The following TSC22D1 variants were observed in gnomAD, a reference collection of about 807,000 sequenced individuals.
The protein encoded by TSC22D1 is TSC22 domain family member 1, also known as TSC22 domain family protein 1.
TSC22D1 carries 9 observed loss-of-function variants against 74.2 expected under a neutral mutation model. The ratio of observed to expected loss-of-function variants is 0.12; its 90% CI spans 0.07 to 0.21. The LOEUF is 0.21. Among genes scored for constraint, TSC22D1 ranks in the 10% least tolerant of loss-of-function variants. The pLI is 1.00. For synonymous variants in TSC22D1, 586 were observed against 492.5 expected (o/e 1.19, Z -2.51); for missense variants, 1,427 against 1,304.7 (o/e 1.09, Z -1.44).
intron 1 of TSC22D1, among the ~76,000 whole-genome samples, chr13:44,523,036 A>G (rs561190771): frequency 9.5e-5 from 13 of 136,730 alleles, no homozygotes; most frequent in Middle Eastern, 3.8e-3. Context: ...GATAATAGAG[A>G]AAAAAAAAAA....
At chr13:44,537,768 T>C in intron 1 of TSC22D1, 2 of 979,482 alleles carry the variant, frequency 2.0e-6, no homozygotes, top group Non-Finnish European at 1.2e-6. Flanking sequence ...TAACAAAAAT[T>C]TATTTATAAT....
In TSC22D1 at chr13:44,432,897, C is replaced by T. The variant is rs1874167952; in HGVS notation, c.*1729G>A. ...TCCTCAGGTGCCAGGGGCCAATCTGCCTCAGGATTCCTTCGTGGTTTTAAT... is the reference window on the plus strand; with the variant it reads ...TCCTCAGGTGCCAGGGGCCAATCTGTCTCAGGATTCCTTCGTGGTTTTAAT... On this transcript the variant is annotated 3_prime_UTR_variant, in exon 3 of 3. Coordinates refer to ENST00000458659, the MANE Select transcript of TSC22D1 (RefSeq NM_183422.4). 6.6e-6 allele frequency: 1 copy of T among 152,128 alleles called. No homozygotes were observed. 9.4% of individuals were successfully genotyped at this position (152,128 alleles called of 1,614,324 possible).
At chr13:44,436,512 A>G (rs1478551256) in intron 1 of TSC22D1, 2 of 1,613,362 alleles carry the variant, frequency 1.2e-6, no homozygotes, top group African/African-American at 2.7e-5. Context: ...ACCTATTATC[A>G]AGTCTCACAG....
At chr13:44,551,710 C>A (rs1882290313) in intron 1 of TSC22D1, among the ~76,000 whole-genome samples, 1 of 152,076 alleles carries the variant, frequency 6.6e-6, no homozygotes, top group African/African-American at 2.4e-5. Flanking sequence ...TGTGAGCCAT[C>A]GTGCCCGGCC....
rs1480420800 is a variant in TSC22D1, at chr13:44,524,809, A to G, written c.2912+48354T>C. 2.0e-5 allele frequency among the ~76,000 whole-genome samples: 3 copies of G among 152,212 alleles called. No homozygotes were observed. The East Asian group carries it at 5.8e-4, about 29-fold the overall frequency. On this transcript the variant is annotated intron_variant, in intron 1 of 2. Coordinates refer to ENST00000458659, the MANE Select transcript of TSC22D1 (RefSeq NM_183422.4). The stretch of plus-strand genomic sequence containing the variant: ...CTGCCTAGGCCTCCCAAGTGCTGGG[A>G]TTACAGGCGTGAGCCACCGTGCCCA...
chr13:44,484,824 G>T (rs1163446220), intron 1 of TSC22D1, among the ~76,000 whole-genome samples: 2 of 152,144 alleles, frequency 1.3e-5, no homozygotes, highest in Non-Finnish European at 2.9e-5. Flanking sequence ...GCATATAAAG[G>T]ACTGATTACC....
In TSC22D1 at chr13:44,436,400, ATC is replaced by A. The variant is rs1328251135; in HGVS notation, c.2913-307_2913-306del. ...GAAAAACAACATCCATGTCACCATAATCTCTCAGCAATGGACAAAGGAATTCG... is the reference window on the plus strand; with the variant it reads ...GAAAAACAACATCCATGTCACCATAATCTCAGCAATGGACAAAGGAATTCG... On this transcript the variant is annotated intron_variant, in intron 1 of 2. Transcript: ENST00000458659. 5.1e-6 allele frequency: 7 copies of A among 1,384,962 alleles called. No individual in the cohort carries two copies. The African/African-American group carries it at 1.0e-4, about 20-fold the overall frequency. 85.8% of individuals were successfully genotyped at this position (1,384,962 alleles called of 1,614,324 possible). A position where few individuals can be genotyped will look rare whatever the true frequency, so the allele number is the denominator to read the frequency against.
chr13:44,452,209 A>C (rs1566118926), intron 1 of TSC22D1, among the ~76,000 whole-genome samples: 1 of 152,216 alleles, frequency 6.6e-6, no homozygotes, highest in East Asian at 1.9e-4. Context: ...GGAACTAAAT[A>C]AAGTGAGATG....
chr13:44,523,335 C>G (rs1239054039), intron 1 of TSC22D1, among the ~76,000 whole-genome samples: 2 of 152,112 alleles, frequency 1.3e-5, no homozygotes, highest in African/African-American at 4.8e-5. Context: ...CACATAAAAA[C>G]CTGCACAGGA....
In TSC22D1 at chr13:44,575,434, T is replaced by C; in HGVS notation, c.641A>G (p.Asn214Ser). 1.2e-6 allele frequency: 2 copies of C among 1,614,076 alleles called. No individual in the cohort carries two copies. The highest frequency in any genetic ancestry group is 1.1e-5 in the South Asian group (1 of 91,066). ...LPQQNVVING[N>S]AHPHHLHHHH... is the part of the protein sequence containing the mutation. ...GTGATGGAGGTGGTGTGGATGAGCATTCCCATTGATCACAACATTCTGTTG... is the reference window on the plus strand; with the variant it reads ...GTGATGGAGGTGGTGTGGATGAGCACTCCCATTGATCACAACATTCTGTTG... The change falls in exon 1 of 3, where the codon AAT (asparagine) becomes AGT (serine). Residue 214 changes from asparagine to serine, a missense_variant. Asn to Ser is a conservative substitution (Grantham distance 46, BLOSUM62 1). Coordinates refer to ENST00000458659, the MANE Select transcript of TSC22D1 (RefSeq NM_183422.4).
intron 1 of TSC22D1, among the ~76,000 whole-genome samples, chr13:44,545,613 C>T (rs944287833): frequency 5.3e-5 from 8 of 150,382 alleles, no homozygotes; most frequent in Non-Finnish European, 1.2e-4. Context: ...AATCTTCCTA[C>T]TGTATTTTTT....
chr13:44,565,068 G>A (rs1184244725), intron 1 of TSC22D1, among the ~76,000 whole-genome samples: 1 of 152,158 alleles, frequency 6.6e-6, no homozygotes, highest in Non-Finnish European at 1.5e-5. Flanking sequence ...ATAAGCCTAT[G>A]AGAATGCAAG....
At chr13:44,513,053 C>T (rs1181760218) in intron 1 of TSC22D1, among the ~76,000 whole-genome samples, 1 of 152,228 alleles carries the variant, frequency 6.6e-6, no homozygotes, top group Non-Finnish European at 1.5e-5. Flanking sequence ...CCAGTCCTAA[C>T]TTTCACCAAT....
chr13:44,463,457 G>C (rs1302965020), intron 1 of TSC22D1, among the ~76,000 whole-genome samples: 1 of 152,204 alleles, frequency 6.6e-6, no homozygotes, highest in African/African-American at 2.4e-5. Context: ...TGAATTAGAA[G>C]TTAAGGTGGC....
At chr13:44,475,738 T>A (rs1877875165) in intron 1 of TSC22D1, among the ~76,000 whole-genome samples, 1 of 152,096 alleles carries the variant, frequency 6.6e-6, no homozygotes, top group Non-Finnish European at 1.5e-5. Context: ...CAAAGAGATA[T>A]AAAGTCTGAA....
chr13:44,531,377 T>C (rs757362410), intron 1 of TSC22D1, among the ~76,000 whole-genome samples: 17 of 152,214 alleles, frequency 1.1e-4, no homozygotes, highest in African/African-American at 3.1e-4. Context: ...AATGGTGTAA[T>C]AGATCAACAG....
At chr13:44,532,129 A>G (rs1268425165) in intron 1 of TSC22D1, among the ~76,000 whole-genome samples, 1 of 152,206 alleles carries the variant, frequency 6.6e-6, no homozygotes, top group East Asian at 1.9e-4. Context: ...TTAAATGGGG[A>G]CTGTACTTTT....
At chr13:44,532,704 G>A (rs1880917647) in intron 1 of TSC22D1, among the ~76,000 whole-genome samples, 1 of 151,808 alleles carries the variant, frequency 6.6e-6, no homozygotes, top group South Asian at 2.1e-4. Flanking sequence ...TCGATCTCCT[G>A]ACCTGTGATC....
At chr13:44,518,360 T>C (rs1187080606) in intron 1 of TSC22D1, among the ~76,000 whole-genome samples, 1 of 152,184 alleles carries the variant, frequency 6.6e-6, no homozygotes, top group Non-Finnish European at 1.5e-5. Flanking sequence ...AGGTTGTTTA[T>C]TTCATTCAGT....
Sources: allele counts gnomAD v4.1 joint callset (sites outside exome capture counted in the v4.1 genomes callset), GRCh38; gene constraint gnomAD v4.1.1; transcripts MANE v1.5; gene names NCBI Gene and HGNC (gene_info 2026-07-23, HGNC 2026-07-21).